Variants in NIPAL3 observed in about 807,000 individuals in gnomAD.
The protein encoded by NIPAL3 is NIPA-like protein 3.
In NIPAL3, 41 loss-of-function variants were observed where a neutral mutation model predicts 47.2. That is an observed-to-expected ratio of 0.87 (90% CI 0.68 to 1.13). The LOEUF is 1.13. NIPAL3 is among the 50% of genes most tolerant of loss of function. The pLI is 0.00. For missense variants in NIPAL3, 449 were observed against 530.1 expected (o/e 0.85, Z 1.50); for synonymous variants, 194 against 209.6 (o/e 0.93, Z 0.64).
At position 24,451,536 on chromosome 1, in the gene NIPAL3, GA is replaced by G. The variant is rs990849564; in HGVS notation, c.541-1862del. 2.0e-5 allele frequency among the ~76,000 whole-genome samples: 3 copies of G among 147,342 alleles called. No homozygotes were observed. Among genetic ancestry groups the G allele is most frequent in the South Asian group, 2.2e-4 (1 of 4,638 alleles). The stretch of plus-strand genomic sequence containing the variant: ...TGTGGCAAAACCCCGTCTCTATTTG[GA>G]AAAAAAAAAGTAAAAATTAGCCAGG... On this transcript the variant is annotated intron_variant, in intron 6 of 11. Coordinates refer to ENST00000374399, the MANE Select transcript of NIPAL3 (RefSeq NM_020448.5). This position sits in a 1 kb window ranked among gnomAD's most constrained non-coding sequence, Gnocchi z 4.5.
At chr1:24,420,540 T>G (rs1644280882) in intron 2 of NIPAL3, among the ~76,000 whole-genome samples, 1 of 152,178 alleles carries the variant, frequency 6.6e-6, no homozygotes, top group Non-Finnish European at 1.5e-5. Flanking sequence ...GGTATGTATG[T>G]ATATCACCTA....
chr1:24,440,236 T>C lies in NIPAL3; in HGVS notation c.158T>C (p.Leu53Pro). ...GHLVVSIALN[L>P]QKYCHIRLAG... The stretch of plus-strand genomic sequence containing the variant: ...CTCGTGGTCAGCATTGCACTTAACC[T>C]CCAGGTAAGTTTCAGTTACCAGCAC... The change falls in exon 3 of 12, where the codon CTC becomes CCC. Residue 53 changes from leucine to proline, a missense_variant. Physicochemically the swap from Leu to Pro is moderately conservative, Grantham distance 98 (BLOSUM62 -3). Transcript: ENST00000374399. 6.3e-7 allele frequency: 1 copy of C among 1,590,378 alleles called. No individual in the cohort carries two copies. Among genetic ancestry groups the C allele is most frequent in the Non-Finnish European group, 8.5e-7 (1 of 1,169,590 alleles).
At position 24,416,266 on chromosome 1, in the gene NIPAL3, C is replaced by T. The variant is rs552670792; in HGVS notation, c.-258+362C>T. The T allele has an allele frequency of 7.6e-5, 75 of 985,300 alleles. No individual in the cohort carries two copies. The highest frequency in any genetic ancestry group is 8.2e-5 in the Non-Finnish European group (68 of 829,958). The allele number at this position is 985,300 out of a possible 1,614,324, so 61.0% of individuals were successfully genotyped here. A position where few individuals can be genotyped will look rare whatever the true frequency, so the allele number is the denominator to read the frequency against. On this transcript the variant is annotated intron_variant, in intron 1 of 11. Coordinates refer to ENST00000374399, the MANE Select transcript of NIPAL3 (RefSeq NM_020448.5). This position sits in a 1 kb window ranked among gnomAD's most constrained non-coding sequence, Gnocchi z 4.8. ...AGGGGAGGCGTTCTTGGTCTAAGCC[C>T]GCTTCTGGAACAGAGGTGCTGTCTC...
rs771090835 is a variant in NIPAL3, at chr1:24,448,672, A to T, written c.395-809A>T. Reference sequence around the variant, plus strand: ...TGAAAAAGACAAAATGTAAGTGTTGACAAGAATGTAACTAGAACTGTCTTA... The same window carrying T: ...TGAAAAAGACAAAATGTAAGTGTTGTCAAGAATGTAACTAGAACTGTCTTA... On this transcript the variant is annotated intron_variant, in intron 5 of 11. Coordinates refer to ENST00000374399, the MANE Select transcript of NIPAL3 (RefSeq NM_020448.5). Among the ~76,000 whole-genome samples, 18 of 152,082 alleles carry T rather than the reference A, an allele frequency of 1.2e-4. 2 individuals carry two copies. Among genetic ancestry groups the T allele is most frequent in the Non-Finnish European group, 2.2e-4 (15 of 67,986 alleles).
At chr1:24,458,828 C>A in intron 8 of NIPAL3, 60 bp from the exon 9 acceptor site, 1 of 1,308,992 alleles carries the variant, frequency 7.6e-7, no homozygotes, top group South Asian at 1.2e-5. Flanking sequence ...CTACTGTTGT[C>A]AGCTCTTAGC....
At position 24,465,834 on chromosome 1, in the gene NIPAL3, A is replaced by T. The variant is rs76291255; in HGVS notation, c.1021+1714A>T. On this transcript the variant is annotated intron_variant, in intron 11 of 11. Coordinates refer to ENST00000374399, the MANE Select transcript of NIPAL3 (RefSeq NM_020448.5). ...TAGATGCCTGGTTATATTTGGTTTC[A>T]CTTCCCTTTTGCTTTAAAAACCTTT... 7.1e-3 allele frequency: 7,373 copies of T among 1,041,370 alleles called. 380 individuals are homozygous for T. The African/African-American group carries it at 0.11, about 15-fold the overall frequency. The allele number at this position is 1,041,370 out of a possible 1,614,324, so 64.5% of individuals were successfully genotyped here. A position where few individuals can be genotyped will look rare whatever the true frequency, so the allele number is the denominator to read the frequency against.
chr1:24,413,622 C>A (rs12725252), upstream of NIPAL3: 17,028 of 152,340 alleles, frequency 0.11, 998 homozygotes, highest in African/African-American at 0.13. Flanking sequence ...TGCGCCGTGT[C>A]CTCTTCCCCA....
rs1193107801 is a variant in NIPAL3 at position 24,423,492 on chromosome 1, C to T, written c.93+3852C>T. ...AAAATACAAAAAAATTAGCCGGGTG[C>T]GGTGGCGGGTGCCTATAGTCCCAGC... On this transcript the variant is annotated intron_variant, in intron 2 of 11. Coordinates refer to ENST00000374399, the MANE Select transcript of NIPAL3 (RefSeq NM_020448.5). Among the ~76,000 whole-genome samples, 6 of 152,102 alleles carry T rather than the reference C, an allele frequency of 3.9e-5. 1 individual carries two copies. The highest frequency in any genetic ancestry group is 4.1e-4 in the South Asian group (2 of 4,822).
intron 2 of NIPAL3, among the ~76,000 whole-genome samples, chr1:24,439,943 G>A (rs1645296186): frequency 6.6e-6 from 1 of 152,242 alleles, no homozygotes; most frequent in African/African-American, 2.4e-5. Context: ...AGGTCAGTGT[G>A]ATCGGGCCAC....
At position 24,449,963 on chromosome 1, in the gene NIPAL3, A is replaced by T. The variant is rs1186852347; in HGVS notation, c.540+337A>T. Among the ~76,000 whole-genome samples the T allele has an allele frequency of 1.3e-5, 2 of 152,180 alleles. No homozygotes were observed. Among genetic ancestry groups the T allele is most frequent in the Non-Finnish European group, 2.9e-5 (2 of 68,028 alleles). ...AATGCATACATGTGTTTCTCAAATGACATGTATGAGAATGTTCACAGCAAC... is the reference window on the plus strand; with the variant it reads ...AATGCATACATGTGTTTCTCAAATGTCATGTATGAGAATGTTCACAGCAAC... On this transcript the variant is annotated intron_variant, in intron 6 of 11. Transcript: ENST00000374399. This position sits in a 1 kb window ranked among gnomAD's most constrained non-coding sequence, Gnocchi z 4.5.
At chr1:24,459,583 A>C (rs1198779842) in intron 9 of NIPAL3, among the ~76,000 whole-genome samples, 1 of 152,262 alleles carries the variant, frequency 6.6e-6, no homozygotes, top group Non-Finnish European at 1.5e-5. Context: ...ATAAGAACTA[A>C]GTGCTTTCCT....
chr1:24,447,800 C>G (rs938828124), intron 5 of NIPAL3, among the ~76,000 whole-genome samples: 1 of 152,232 alleles, frequency 6.6e-6, no homozygotes, highest in African/African-American at 2.4e-5. Flanking sequence ...CTCTGGGCAT[C>G]TGTAGTTTTG....
chr1:24,425,708 A>G (rs1204598509), intron 2 of NIPAL3, among the ~76,000 whole-genome samples: 1 of 152,158 alleles, frequency 6.6e-6, no homozygotes, highest in Non-Finnish European at 1.5e-5. Flanking sequence ...ATTTTCTAGC[A>G]TTATAACTTG....
chr1:24,437,263 G>A (rs917024648), intron 2 of NIPAL3, among the ~76,000 whole-genome samples: 9 of 152,110 alleles, frequency 5.9e-5, no homozygotes, highest in African/African-American at 2.2e-4. Context: ...AAAAAATATT[G>A]AAACTAAGAT....
chr1:24,469,777 T>G lies in NIPAL3; in HGVS notation c.*592T>G, dbSNP rs1646843231. ...CATCTGTGCCCTTCTAGGGAAGATGTGCTTGATATGTTCAAATTGGATCTA... is the reference window on the plus strand; with the variant it reads ...CATCTGTGCCCTTCTAGGGAAGATGGGCTTGATATGTTCAAATTGGATCTA... On this transcript the variant is annotated 3_prime_UTR_variant, in exon 12 of 12. Transcript: ENST00000374399. 1 of 152,740 alleles carries G rather than the reference T, an allele frequency of 6.5e-6. No homozygotes were observed. The highest frequency in any genetic ancestry group is 1.5e-5 in the Non-Finnish European group (1 of 68,460). 9.5% of individuals were successfully genotyped at this position (152,740 alleles called of 1,614,324 possible).
chr1:24,446,884 G>A (rs1234609523), intron 5 of NIPAL3, among the ~76,000 whole-genome samples: 2 of 152,188 alleles, frequency 1.3e-5, no homozygotes, highest in African/African-American at 2.4e-5. Context: ...TTTACACAAG[G>A]AGGTGATTTT....
intron 2 of NIPAL3, among the ~76,000 whole-genome samples, chr1:24,428,180 C>T (rs1347065618): frequency 6.6e-6 from 1 of 151,272 alleles, no homozygotes; most frequent in East Asian, 1.9e-4. Context: ...ATGGAGGTTG[C>T]AGTGAGCTGA....
chr1:24,430,663 A>G (rs1441288961), intron 2 of NIPAL3, among the ~76,000 whole-genome samples: 1 of 152,212 alleles, frequency 6.6e-6, no homozygotes, highest in African/African-American at 2.4e-5. Flanking sequence ...TTTTTGTTCA[A>G]AGCAAAGTAC....
At position 24,469,454 on chromosome 1, in the gene NIPAL3, C is replaced by T; in HGVS notation, c.*269C>T. On this transcript the variant is annotated 3_prime_UTR_variant, in exon 12 of 12. Coordinates refer to ENST00000374399, the MANE Select transcript of NIPAL3 (RefSeq NM_020448.5). Reference sequence around the variant, plus strand: ...ATTAGCCCAGGGGGATTTGGAAAGCCTTTCTACCATCCTTGAGGATGGTAA... The same window carrying T: ...ATTAGCCCAGGGGGATTTGGAAAGCTTTTCTACCATCCTTGAGGATGGTAA... The T allele has an allele frequency of 2.6e-6, 1 of 387,726 alleles. No individual in the cohort carries two copies. The highest frequency in any genetic ancestry group is 4.7e-6 in the Non-Finnish European group (1 of 214,266). The allele number at this position is 387,726 out of a possible 1,614,324, so 24.0% of individuals were successfully genotyped here.
Sources: gnomAD v4.1 joint callset for allele counts (sites outside exome capture counted in the v4.1 genomes callset) on GRCh38, gnomAD v4.1.1 for gene constraint, Gnocchi (gnomAD v3.1) non-coding constraint, MANE v1.5 for transcripts, NCBI Gene and HGNC (gene_info 2026-07-23, HGNC 2026-07-21) for gene names.